KIFC3: variants seen among roughly 807,000 people sequenced by gnomAD.
The protein encoded by KIFC3 is kinesin-like protein KIFC3.
A neutral mutation model predicts 101.8 loss-of-function variants in KIFC3; 60 were observed. The ratio of observed to expected loss-of-function variants is 0.59; its 90% CI spans 0.48 to 0.73. The LOEUF is 0.73. KIFC3 is among the 30% of genes least tolerant of loss of function. The pLI is 0.00. For synonymous variants in KIFC3, 476 were observed against 482.7 expected, an observed-to-expected ratio of 0.99 and a Z score of 0.18; for missense variants, 966 against 1,137.1, an observed-to-expected ratio of 0.85 and a Z score of 2.16.
At chr16:57,801,942 C>T (rs2054754039) in intron 1 of KIFC3, among the ~76,000 whole-genome samples, 1 of 152,208 alleles carries the variant, frequency 6.6e-6, no homozygotes, top group Middle Eastern at 3.2e-3. Context: ...CCAGGCCCTG[C>T]CAGGGAAAAA....
chr16:57,771,716 T>A, intron 4 of KIFC3, 30 bp from the exon 5 acceptor site: 1 of 1,598,280 alleles, frequency 6.3e-7, no homozygotes, highest in Non-Finnish European at 8.5e-7. Context: ...AGGGGGCGCA[T>A]GTGGCGAGGG....
intron 1 of KIFC3, among the ~76,000 whole-genome samples, chr16:57,826,960 C>G (rs782418969): frequency 6.6e-6 from 1 of 152,190 alleles, no homozygotes; most frequent in Non-Finnish European, 1.5e-5. Context: ...TGCAGACCCT[C>G]CCTGCAGCTG....
intron 12 of KIFC3, 29 bp from the exon 13 acceptor site, chr16:57,762,299 G>A (rs782593901): frequency 2.0e-6 from 3 of 1,508,118 alleles, no homozygotes; most frequent in Non-Finnish European, 2.7e-6. Flanking sequence ...GCCCCAGTAA[G>A]CCAGGCCTGT....
chr16:57,797,850 C>G (rs1479014116), intron 2 of KIFC3: 1 of 1,446,240 alleles, frequency 6.9e-7, no homozygotes, highest in East Asian at 2.6e-5. Context: ...AAGTTTAACC[C>G]GGCTTCCAGG....
chr16:57,800,567 C>CACAGTGG (rs1319576312), intron 1 of KIFC3, among the ~76,000 whole-genome samples: 7 of 152,234 alleles, frequency 4.6e-5, no homozygotes, highest in Middle Eastern at 3.4e-3. Context: ...AGGCTGACTC[C>CACAGTGG]ACAGTGGACA....
At chr16:57,763,011 C>T (rs371299461) in intron 12 of KIFC3, among the ~76,000 whole-genome samples, 3 of 151,576 alleles carry the variant, frequency 2.0e-5, no homozygotes, top group South Asian at 4.2e-4. Flanking sequence ...GCTGCTCCTT[C>T]GCCCAGCACC....
chr16:57,815,078 C>T (rs782401489), intron 1 of KIFC3, among the ~76,000 whole-genome samples: 1 of 152,126 alleles, frequency 6.6e-6, no homozygotes, highest in Admixed American at 6.5e-5. Context: ...CAGGCCTGGC[C>T]CTGTCCAGGC....
At chr16:57,777,125 C>T (rs1172311709) in intron 3 of KIFC3, 1 of 151,752 alleles carries the variant, frequency 6.6e-6, no homozygotes, top group African/African-American at 2.4e-5. Context: ...AATAAAGTAC[C>T]GAGGAATAAA....
chr16:57,761,821 C>G (rs552697610), intron 13 of KIFC3, among the ~76,000 whole-genome samples: 3 of 152,258 alleles, frequency 2.0e-5, no homozygotes, highest in East Asian at 3.9e-4. Context: ...GCCTGGGTCT[C>G]AGAGAGAGCC....
At position 57,815,685 on chromosome 16, in the gene KIFC3, G is replaced by A. The variant is rs1555628646; in HGVS notation, c.109-17403C>T. 5 of 1,278,808 alleles carry A rather than the reference G, an allele frequency of 3.9e-6. 1 individual carries two copies. The South Asian group carries it at 5.0e-5, about 13-fold the overall frequency. The allele number at this position is 1,278,808 out of a possible 1,614,324, so 79.2% of individuals were successfully genotyped here. A position where few individuals can be genotyped will look rare whatever the true frequency, so the allele number is the denominator to read the frequency against. On this transcript the variant is annotated intron_variant, in intron 1 of 2. Coordinates refer to the KIFC3 transcript ENST00000563028. ...TATTCCTGCTAAACACTCCACTCGG[G>A]GCCTGGGAGAAGGGGAGCAAATATC...
At chr16:57,801,678 G>A (rs1452407090) in intron 1 of KIFC3, among the ~76,000 whole-genome samples, 10 of 152,228 alleles carry the variant, frequency 6.6e-5, no homozygotes, top group Admixed American at 4.6e-4. Context: ...TGGGGGCTGG[G>A]TGGCAGTAAA....
chr16:57,786,583 T>A (rs2053349575), intron 3 of KIFC3, among the ~76,000 whole-genome samples: 1 of 152,052 alleles, frequency 6.6e-6, no homozygotes, highest in Non-Finnish European at 1.5e-5. Flanking sequence ...CCAAATGGGA[T>A]GTGACAGAGT....
At chr16:57,851,138 G>A (rs1214091529) in intron 1 of KIFC3, among the ~76,000 whole-genome samples, 1 of 152,044 alleles carries the variant, frequency 6.6e-6, no homozygotes, top group Non-Finnish European at 1.5e-5. Context: ...AGCCTCCTGA[G>A]TAGCCAGGAT....
At chr16:57,771,160 CT>C in intron 6 of KIFC3, 37 bp downstream of exon 6, 2 of 1,604,456 alleles carry the variant, frequency 1.2e-6, no homozygotes, top group Non-Finnish European at 1.7e-6. Context: ...TGCCAGGGGC[CT>C]TGGGCTGAGG....
intron 1 of KIFC3, among the ~76,000 whole-genome samples, chr16:57,839,497 C>A (rs946211382): frequency 6.6e-5 from 10 of 152,084 alleles, no homozygotes; most frequent in African/African-American, 2.2e-4. Flanking sequence ...CCATGATCAT[C>A]CCACTGCACT....
In KIFC3 at chr16:57,759,310, G is replaced by C. The variant is rs1323457350; in HGVS notation, c.2477-157C>G. 7 of 870,452 alleles carry C rather than the reference G, an allele frequency of 8.0e-6. No individual in the cohort carries two copies. The East Asian group carries it at 1.9e-4, about 23-fold the overall frequency. 53.9% of individuals were successfully genotyped at this position (870,452 alleles called of 1,614,324 possible). Reference sequence around the variant, plus strand: ...TGGAGCCCTGGGTCCCGGTCCTGTGGCGGGGCTCACTCCTCACCTAGGAGG... The same window carrying C: ...TGGAGCCCTGGGTCCCGGTCCTGTGCCGGGGCTCACTCCTCACCTAGGAGG... On this transcript the variant is annotated intron_variant, in intron 18 of 19. Transcript: ENST00000445690.
At chr16:57,824,082 G>A (rs1372717486) in intron 1 of KIFC3, among the ~76,000 whole-genome samples, 1 of 152,352 alleles carries the variant, frequency 6.6e-6, no homozygotes, top group East Asian at 1.9e-4. Context: ...CAGGGAGGGT[G>A]ATCAACCGTC....
intron 1 of KIFC3, among the ~76,000 whole-genome samples, chr16:57,828,324 G>A (rs1365843588): frequency 6.6e-6 from 1 of 152,240 alleles, no homozygotes; most frequent in Non-Finnish European, 1.5e-5. Context: ...GCCCGGTAAG[G>A]CAATGGTAGA....
intron 1 of KIFC3, among the ~76,000 whole-genome samples, chr16:57,830,843 G>C (rs1555479200): frequency 6.6e-6 from 1 of 152,166 alleles, no homozygotes; most frequent in East Asian, 1.9e-4. Flanking sequence ...TATGCCATGG[G>C]CTTGCCTGAA....
Sources: gnomAD v4.1 joint callset for allele counts (sites outside exome capture counted in the v4.1 genomes callset) on GRCh38, gnomAD v4.1.1 for gene constraint, MANE v1.5 for transcripts, NCBI Gene and HGNC (gene_info 2026-07-23, HGNC 2026-07-21) for gene names.